Variants in INPP4B observed in about 807,000 individuals in gnomAD.
INPP4B encodes the protein inositol polyphosphate-4-phosphatase type II B.
A neutral mutation model predicts 122.5 loss-of-function variants in INPP4B; 55 were observed. The ratio of observed to expected loss-of-function variants is 0.45; its 90% CI spans 0.36 to 0.56. The LOEUF is 0.56. Among genes scored for constraint, INPP4B ranks in the 20% least tolerant of loss-of-function variants. INPP4B has a pLI of 0.00. For missense variants in INPP4B, 1,000 were observed against 1,097.7 expected (o/e 0.91, Z 1.26); for synonymous variants, 403 against 388.7 (o/e 1.04, Z -0.43).
In INPP4B at chr4:142,311,051, TA is replaced by T. The variant is rs1211426757; in HGVS notation, c.423+3660del. On this transcript the variant is annotated intron_variant, in intron 8 of 25. Coordinates refer to ENST00000262992, the MANE Select transcript of INPP4B (RefSeq NM_001101669.3). Reference sequence around the variant, plus strand: ...TTATAATAAAAAATCTAAACTCCTTTAAAAAAAATTAGAGTACTTGAAGAGT... The same window carrying T: ...TTATAATAAAAAATCTAAACTCCTTTAAAAAAATTAGAGTACTTGAAGAGT... 9.2e-5 allele frequency among the ~76,000 whole-genome samples: 14 copies of T among 151,974 alleles called. No individual in the cohort carries two copies. The East Asian group carries it at 2.7e-3, about 29-fold the overall frequency.
chr4:142,387,593 C>T (rs1196472473), intron 7 of INPP4B, among the ~76,000 whole-genome samples: 1 of 151,982 alleles, frequency 6.6e-6, no homozygotes, highest in Admixed American at 6.6e-5. Context: ...GGGAAGGGAA[C>T]CCAGATACCT....
chr4:142,059,918 A>G (rs1216649204), intron 25 of INPP4B, among the ~76,000 whole-genome samples: 1 of 152,204 alleles, frequency 6.6e-6, no homozygotes, highest in Non-Finnish European at 1.5e-5. Context: ...TCCCTTTGAC[A>G]GCATCGTGCT....
chr4:142,575,498 A>G (rs1733649665), intron 2 of INPP4B, among the ~76,000 whole-genome samples: 1 of 152,046 alleles, frequency 6.6e-6, no homozygotes, highest in South Asian at 2.1e-4. Context: ...TGTTGCTGCT[A>G]TATCATGAAT....
chr4:142,732,468 A>T (rs1766249807), intron 1 of INPP4B, among the ~76,000 whole-genome samples: 1 of 152,108 alleles, frequency 6.6e-6, no homozygotes, highest in Non-Finnish European at 1.5e-5. Context: ...AGTCTGCAGA[A>T]AACTATTAGA....
chr4:142,554,401 C>A (rs1728700186), intron 2 of INPP4B, among the ~76,000 whole-genome samples: 1 of 150,282 alleles, frequency 6.7e-6, no homozygotes, highest in African/African-American at 2.4e-5. Flanking sequence ...AAAAGAAATT[C>A]CTCTAATTGG....
rs1273926134 is a variant in INPP4B, at chr4:142,405,301, C to A, written c.160G>T (p.Val54Phe). The A allele has an allele frequency of 1.2e-6, 2 of 1,612,114 alleles. No individual in the cohort carries two copies. Residue 54 changes from valine to phenylalanine, a missense_variant, in exon 6 of 26, where the codon GTC becomes TTC. Coordinates refer to ENST00000262992, the MANE Select transcript of INPP4B (RefSeq NM_001101669.3). The stretch of plus-strand genomic sequence containing the variant: ...AGTGTATTCAGTTTACGATCACGGA[C>A]AGGAGCCACGAGATCCTTGCATGCT... ...ILACKDLVAP[V>F]RDRKLNTLVQ...
At chr4:142,211,018 C>T (rs951059384) in intron 12 of INPP4B, among the ~76,000 whole-genome samples, 8 of 152,114 alleles carry the variant, frequency 5.3e-5, no homozygotes, top group African/African-American at 1.7e-4. Flanking sequence ...TCCATTATGC[C>T]ACAATTTATA....
intron 7 of INPP4B, among the ~76,000 whole-genome samples, chr4:142,394,577 G>A (rs1456032640): frequency 1.3e-5 from 2 of 152,174 alleles, no homozygotes; most frequent in Non-Finnish European, 2.9e-5. Flanking sequence ...TTGTGATGAT[G>A]AGCATTTTTT....
intron 7 of INPP4B, among the ~76,000 whole-genome samples, chr4:142,366,129 C>T (rs1393166330): frequency 1.3e-5 from 2 of 152,070 alleles, no homozygotes; most frequent in Non-Finnish European, 2.9e-5. Context: ...TAATCTCCCT[C>T]ACCATTAAGA....
intron 12 of INPP4B, among the ~76,000 whole-genome samples, chr4:142,216,151 A>C (rs1579318509): frequency 2.0e-5 from 3 of 152,140 alleles, no homozygotes. Flanking sequence ...TTGCAACAAC[A>C]AAATAATTCT....
chr4:142,627,836 C>T (rs1382871122), intron 2 of INPP4B, among the ~76,000 whole-genome samples: 1 of 151,968 alleles, frequency 6.6e-6, no homozygotes. Flanking sequence ...GGTACCAGTT[C>T]CTCCTTGTAC....
intron 2 of INPP4B, among the ~76,000 whole-genome samples, chr4:142,522,352 C>T (rs1157154606): frequency 2.5e-5 from 3 of 119,752 alleles, no homozygotes; most frequent in South Asian, 3.4e-4. Flanking sequence ...CCCCCCACCC[C>T]GAGACATGAG....
chr4:142,160,237 C>G, intron 17 of INPP4B, 121 bp downstream of exon 17: 1 of 684,130 alleles, frequency 1.5e-6, no homozygotes, highest in Non-Finnish European at 2.2e-6. Context: ...GCCTATTTAT[C>G]CACAATCAGT....
At chr4:142,685,308 G>A (rs1474299842) in intron 2 of INPP4B, among the ~76,000 whole-genome samples, 4 of 113,900 alleles carry the variant, frequency 3.5e-5, no homozygotes, top group Non-Finnish European at 6.4e-5. Flanking sequence ...GTTGACTGAA[G>A]AGAGGAGAAA....
At chr4:142,337,846 C>G (rs530133682) in intron 7 of INPP4B, among the ~76,000 whole-genome samples, 1 of 149,856 alleles carries the variant, frequency 6.7e-6, no homozygotes, top group South Asian at 2.1e-4. Flanking sequence ...TTCTTCCTCT[C>G]TCTACAACTT....
At chr4:142,135,357 T>G (rs191650419) in intron 18 of INPP4B, among the ~76,000 whole-genome samples, 1 of 152,322 alleles carries the variant, frequency 6.6e-6, no homozygotes. Flanking sequence ...TAGACCAGTC[T>G]TATATGGCCT....
intron 9 of INPP4B, among the ~76,000 whole-genome samples, chr4:142,303,444 A>G (rs1256325506): frequency 3.3e-5 from 5 of 152,202 alleles, no homozygotes; most frequent in African/African-American, 4.8e-5. Flanking sequence ...ATCAGTGCAA[A>G]GGAATATTTT....
At chr4:142,682,616 G>A (rs934293139) in intron 2 of INPP4B, among the ~76,000 whole-genome samples, 1 of 151,796 alleles carries the variant, frequency 6.6e-6, no homozygotes, top group Non-Finnish European at 1.5e-5. Context: ...TATAACAACT[G>A]TATCTTTGCA....
intron 9 of INPP4B, among the ~76,000 whole-genome samples, chr4:142,293,452 C>T (rs1263883155): frequency 1.3e-5 from 2 of 152,096 alleles, no homozygotes; most frequent in African/African-American, 4.8e-5. Flanking sequence ...TATGTTGGCA[C>T]TAAATGTATT....
Sources: allele counts gnomAD v4.1 joint callset (sites outside exome capture counted in the v4.1 genomes callset), GRCh38; gene constraint gnomAD v4.1.1; transcripts MANE v1.5; gene names NCBI Gene and HGNC (gene_info 2026-07-23, HGNC 2026-07-21).